The following IMMP2L variants were observed in gnomAD, a reference collection of about 807,000 sequenced individuals.
IMMP2L encodes inner mitochondrial membrane peptidase subunit 2.
IMMP2L carries 18 observed loss-of-function variants against 19.3 expected under a neutral mutation model. That is an observed-to-expected ratio of 0.93 (90% CI 0.64 to 1.38). The LOEUF is 1.38. Ranked by LOEUF, IMMP2L falls within the 40% of genes most tolerant of loss-of-function variation. IMMP2L has a pLI of 0.00. For missense variants in IMMP2L, 233 were observed against 218.2 expected (o/e 1.07, Z -0.43); for synonymous variants, 76 against 73.0 (o/e 1.04, Z -0.21).
intron 3 of IMMP2L, among the ~76,000 whole-genome samples, chr7:111,262,594 T>C (rs1471345630): frequency 6.6e-6 from 1 of 152,122 alleles, no homozygotes; most frequent in Non-Finnish European, 1.5e-5. Context: ...ATCTCTGAAA[T>C]ACCCGTAGCA....
intron 3 of IMMP2L, among the ~76,000 whole-genome samples, chr7:111,105,093 T>A (rs1232732496): frequency 6.6e-6 from 1 of 151,898 alleles, no homozygotes; most frequent in Admixed American, 6.6e-5. Flanking sequence ...ACTAAAGGTC[T>A]CATTGAGACA....
intron 3 of IMMP2L, among the ~76,000 whole-genome samples, chr7:111,003,760 C>T (rs1487890650): frequency 2.6e-5 from 4 of 152,092 alleles, no homozygotes; most frequent in East Asian, 1.9e-4. Flanking sequence ...AATCCTCCTA[C>T]CTTGGCCTCC....
intron 5 of IMMP2L, among the ~76,000 whole-genome samples, chr7:110,852,497 A>G (rs1047507640): frequency 5.3e-5 from 8 of 151,922 alleles, no homozygotes; most frequent in African/African-American, 1.9e-4. Flanking sequence ...AAATTAGAAA[A>G]TTTTTGATCT....
intron 5 of IMMP2L, among the ~76,000 whole-genome samples, chr7:110,793,014 G>A (rs1800575739): frequency 6.6e-6 from 1 of 152,048 alleles, no homozygotes; most frequent in Admixed American, 6.6e-5. Flanking sequence ...CTTACACATG[G>A]AATCTAAAAA....
chr7:111,290,857 C>CACACACACACACACAT (rs1472194887), intron 3 of IMMP2L, among the ~76,000 whole-genome samples: 3 of 148,674 alleles, frequency 2.0e-5, no homozygotes, highest in African/African-American at 7.5e-5. Flanking sequence ...CACACACACA[C>CACACACACACACACAT]ATATATATAT....
At chr7:110,863,988 C>G (rs527661372) in intron 5 of IMMP2L, among the ~76,000 whole-genome samples, 2 of 151,918 alleles carry the variant, frequency 1.3e-5, no homozygotes, top group Admixed American at 1.3e-4. Context: ...AACATACTTA[C>G]AAAGCAAAGG....
intron 2 of IMMP2L, among the ~76,000 whole-genome samples, chr7:111,516,245 GTAC>G (rs1299327964): frequency 6.6e-6 from 1 of 152,082 alleles, no homozygotes. Context: ...CAGGAAGAAT[GTAC>G]AAGAGTATCA....
chr7:111,338,976 C>T (rs975801714), intron 3 of IMMP2L, among the ~76,000 whole-genome samples: 2 of 152,032 alleles, frequency 1.3e-5, no homozygotes, highest in Non-Finnish European at 2.9e-5. Context: ...GATCCCAGTA[C>T]ACTACAAGTG....
At chr7:111,157,858 T>C (rs1417534438) in intron 3 of IMMP2L, among the ~76,000 whole-genome samples, 1 of 151,886 alleles carries the variant, frequency 6.6e-6, no homozygotes, top group East Asian at 1.9e-4. Context: ...ATATACCTAC[T>C]ATAAAGCACA....
intron 5 of IMMP2L, among the ~76,000 whole-genome samples, chr7:110,733,077 G>A (rs1338471345): frequency 6.6e-6 from 1 of 152,122 alleles, no homozygotes; most frequent in Non-Finnish European, 1.5e-5. Flanking sequence ...CACTGCACCT[G>A]GCCTTCAATT....
intron 3 of IMMP2L, among the ~76,000 whole-genome samples, chr7:111,316,996 C>T (rs1185295632): frequency 6.6e-6 from 1 of 151,642 alleles, no homozygotes; most frequent in Non-Finnish European, 1.5e-5. Flanking sequence ...ATTACAGGCA[C>T]GTGCAACCAC....
intron 2 of IMMP2L, among the ~76,000 whole-genome samples, chr7:111,490,993 C>T (rs908207636): frequency 1.3e-5 from 2 of 151,922 alleles, no homozygotes; most frequent in Admixed American, 1.3e-4. Flanking sequence ...TTCCCTTTCC[C>T]ACCTCTTCTA....
intron 3 of IMMP2L, among the ~76,000 whole-genome samples, chr7:111,106,994 A>C (rs993182791): frequency 1.2e-4 from 18 of 151,976 alleles, no homozygotes; most frequent in African/African-American, 4.3e-4. Flanking sequence ...AAAATGCAAA[A>C]ACAATTACTC....
At chr7:111,240,087 A>T (rs756629646) in intron 3 of IMMP2L, among the ~76,000 whole-genome samples, 6 of 151,922 alleles carry the variant, frequency 3.9e-5, no homozygotes, top group Admixed American at 6.6e-5. Flanking sequence ...TCAAAATTCA[A>T]TTTGAATAGA....
intron 3 of IMMP2L, among the ~76,000 whole-genome samples, chr7:111,296,247 T>C (rs1177542897): frequency 6.6e-6 from 1 of 151,762 alleles, no homozygotes. Flanking sequence ...AAGAAGATGG[T>C]CAATAAGCAT....
chr7:111,175,561 G>GT (rs1049610218), intron 3 of IMMP2L, among the ~76,000 whole-genome samples: 3 of 150,158 alleles, frequency 2.0e-5, no homozygotes, highest in East Asian at 3.9e-4. Flanking sequence ...CAATGTGGAG[G>GT]TTTTTTTTTA....
intron 3 of IMMP2L, among the ~76,000 whole-genome samples, chr7:111,139,186 T>C (rs1450035866): frequency 6.6e-6 from 1 of 151,968 alleles, no homozygotes; most frequent in Non-Finnish European, 1.5e-5. Context: ...GGAAGAAATT[T>C]TGGAACGGAG....
intron 4 of IMMP2L, among the ~76,000 whole-genome samples, chr7:110,915,594 A>G (rs1398849293): frequency 6.6e-6 from 1 of 152,136 alleles, no homozygotes; most frequent in Non-Finnish European, 1.5e-5. Context: ...AAACTTATCC[A>G]GATAATAGAT....
At chr7:111,371,204 T>G (rs1383885034) in intron 3 of IMMP2L, among the ~76,000 whole-genome samples, 2 of 151,980 alleles carry the variant, frequency 1.3e-5, no homozygotes, top group African/African-American at 2.4e-5. Flanking sequence ...GCTTGGACTC[T>G]TCTTCACTAA....
Sources: gnomAD v4.1 joint callset for allele counts (sites outside exome capture counted in the v4.1 genomes callset) on GRCh38, gnomAD v4.1.1 for gene constraint, MANE v1.5 for transcripts, NCBI Gene and HGNC (gene_info 2026-07-23, HGNC 2026-07-21) for gene names.